The following MAST4 variants were observed in gnomAD, a reference collection of about 807,000 sequenced individuals.
MAST4 encodes microtubule-associated serine/threonine-protein kinase 4.
A neutral mutation model predicts 162.7 loss-of-function variants in MAST4; 89 were observed. That is an observed-to-expected ratio of 0.55 (90% CI 0.46 to 0.65). The LOEUF is 0.65. Among genes scored for constraint, MAST4 ranks in the 30% least tolerant of loss-of-function variants. The pLI is 0.00. For synonymous variants in MAST4, 1,479 were observed against 1,361.1 expected, an observed-to-expected ratio of 1.09 and a Z score of -1.91; for missense variants, 3,153 against 3,374.0, an observed-to-expected ratio of 0.93 and a Z score of 1.62.
chr5:66,900,027 A>G (rs1413630909), intron 4 of MAST4, 45 bp downstream of exon 4: 2 of 1,287,282 alleles, frequency 1.6e-6, no homozygotes, highest in Non-Finnish European at 2.1e-6. Context: ...TTATTAATAT[A>G]TAGTTTATAG....
intron 4 of MAST4, among the ~76,000 whole-genome samples, chr5:66,987,566 T>C (rs947557980): frequency 6.6e-6 from 1 of 152,180 alleles, no homozygotes; most frequent in African/African-American, 2.4e-5. Context: ...AAATCCAGTT[T>C]CCTTTGTAAA....
rs758146466 is a variant in MAST4 at position 67,165,553 on chromosome 5, C to T, written c.6374C>T (p.Pro2125Leu). The T allele has an allele frequency of 6.2e-7, 1 of 1,614,016 alleles. No homozygotes were observed. The highest frequency in any genetic ancestry group is 8.5e-7 in the Non-Finnish European group (1 of 1,179,878). ...AAGGAACCTGAAAGGAAGGAGCAGC[C>T]TCTACAAAGGCATCCCAGCAGCATC... Reference protein sequence around the residue: ...GAKEPERKEQPLQRHPSSIPP... With the variant: ...GAKEPERKEQLLQRHPSSIPP... The change falls in exon 29 of 29, where the codon CCT becomes CTT. Residue 2125 changes from proline to leucine, a missense_variant. Transcript: ENST00000403625.
intron 4 of MAST4, among the ~76,000 whole-genome samples, chr5:67,033,963 T>C (rs1230332492): frequency 6.6e-6 from 1 of 152,190 alleles, no homozygotes; most frequent in African/African-American, 2.4e-5. Context: ...TTTATCTATT[T>C]GGTCTTGAAT....
Position 67,141,042 on chromosome 5 carries a change from A to G in MAST4, c.2495-1073A>G, listed in dbSNP as rs571493273. On this transcript the variant is annotated intron_variant, in intron 19 of 28. Coordinates refer to ENST00000403625, the MANE Select transcript of MAST4 (RefSeq NM_001164664.2). Reference sequence around the variant, plus strand: ...CTATGTCTTGTGCTAGAGGGGTCCAATGAGGACAGAGTCCAATCTTTGATC... The same window carrying G: ...CTATGTCTTGTGCTAGAGGGGTCCAGTGAGGACAGAGTCCAATCTTTGATC... Among the ~76,000 whole-genome samples, 5 of 152,272 alleles carry G rather than the reference A, an allele frequency of 3.3e-5. No homozygotes were observed. The East Asian group carries it at 7.7e-4, about 24-fold the overall frequency.
At chr5:66,963,646 G>A in intron 4 of MAST4, 1 of 776,360 alleles carries the variant, frequency 1.3e-6, no homozygotes. Context: ...CCTTAACTGA[G>A]CTATGCTATT....
chr5:67,059,805 A>G (rs1005927744), intron 5 of MAST4, among the ~76,000 whole-genome samples: 17 of 152,142 alleles, frequency 1.1e-4, no homozygotes, highest in Admixed American at 1.1e-3. Context: ...GTCTATGTGT[A>G]TATATAGATT....
At chr5:66,763,208 T>C (rs1488738925) in intron 2 of MAST4, among the ~76,000 whole-genome samples, 1 of 152,194 alleles carries the variant, frequency 6.6e-6, no homozygotes, top group Non-Finnish European at 1.5e-5. Context: ...GCATAGTCAG[T>C]ACCTAGTAGG....
intron 3 of MAST4, among the ~76,000 whole-genome samples, chr5:66,811,264 A>T (rs1756462174): frequency 6.6e-6 from 1 of 152,238 alleles, no homozygotes; most frequent in African/African-American, 2.4e-5. Flanking sequence ...GCTTATGGCC[A>T]CATGTAGCTT....
intron 12 of MAST4, among the ~76,000 whole-genome samples, chr5:67,117,445 G>A (rs959501081): frequency 2.0e-5 from 3 of 152,084 alleles, no homozygotes; most frequent in Non-Finnish European, 4.4e-5. Flanking sequence ...TAGGCATAAT[G>A]TCTGCCCAGA....
At chr5:66,907,508 A>T (rs13185479) in intron 4 of MAST4, among the ~76,000 whole-genome samples, 4,955 of 151,802 alleles carry the variant, frequency 0.033, 146 homozygotes, top group African/African-American at 0.076. Context: ...GGATTAGGGT[A>T]TTTCTAAAAT....
intron 3 of MAST4, among the ~76,000 whole-genome samples, chr5:66,827,804 C>G (rs1264121503): frequency 6.6e-6 from 1 of 152,204 alleles, no homozygotes; most frequent in Non-Finnish European, 1.5e-5. Flanking sequence ...CAGGATCAAA[C>G]TATTCTCTCA....
chr5:66,778,453 C>A (rs1187821019), intron 2 of MAST4, among the ~76,000 whole-genome samples: 1 of 152,040 alleles, frequency 6.6e-6, no homozygotes, highest in African/African-American at 2.4e-5. Flanking sequence ...TACAGCTTAC[C>A]AAGCTTTATT....
At chr5:66,988,317 G>A (rs1036944095) in intron 4 of MAST4, among the ~76,000 whole-genome samples, 3 of 152,152 alleles carry the variant, frequency 2.0e-5, no homozygotes, top group Non-Finnish European at 4.4e-5. Context: ...GTAGAATTAA[G>A]GATATTGGAC....
intron 1 of MAST4, among the ~76,000 whole-genome samples, chr5:66,680,746 A>G (rs1428715442): frequency 6.6e-6 from 1 of 152,200 alleles, no homozygotes; most frequent in Non-Finnish European, 1.5e-5. Flanking sequence ...CACCCCCCAA[A>G]AAAGGCAAAC....
chr5:66,718,182 T>C (rs1368627330), intron 1 of MAST4, among the ~76,000 whole-genome samples: 1 of 151,040 alleles, frequency 6.6e-6, no homozygotes, highest in South Asian at 2.1e-4. Context: ...TTCTTTTTTT[T>C]TTCTTTTTTT....
intron 7 of MAST4, among the ~76,000 whole-genome samples, chr5:67,098,719 C>G (rs1197801052): frequency 6.6e-6 from 1 of 152,076 alleles, no homozygotes; most frequent in African/African-American, 2.4e-5. Context: ...AATCTTCATT[C>G]TTTGGACCCT....
Position 67,100,570 on chromosome 5 carries a change from C to A in MAST4, c.1048C>A (p.Arg350Ser). 1 of 1,613,846 alleles carries A rather than the reference C, an allele frequency of 6.2e-7. No individual in the cohort carries two copies. Among genetic ancestry groups the A allele is most frequent in the Non-Finnish European group, 8.5e-7 (1 of 1,179,822 alleles). ...GAACAGATGCAGGAACACGCCGATG[C>A]GCCCCCGTTCCCGAAGTCTGAGGTG... ...TENRCRNTPM[R>S]PRSRSLSPGR... Residue 350 changes from arginine (R) to serine (S), a missense_variant, in exon 8 of 29, where the codon CGC becomes AGC. Physicochemically the swap from Arg to Ser is moderately radical, Grantham distance 110. Around this residue, in one of 7 missense-constraint regions of MAST4, gnomAD observed 360 missense variants for 450.0 expected, o/e 0.80. Transcript: ENST00000403625.
chr5:67,003,919 A>G (rs903437939), intron 4 of MAST4: 1 of 152,154 alleles, frequency 6.6e-6, no homozygotes, highest in Admixed American at 6.5e-5. Context: ...GTAAACTCAT[A>G]AATTTAGTTT....
At chr5:67,080,931 A>C (rs1295185) in intron 5 of MAST4, among the ~76,000 whole-genome samples, 133,249 of 133,572 alleles carry the variant, frequency 1, 66,464 homozygotes, top group Non-Finnish European at 1. Context: ...TGTTTTCTTT[A>C]ATTATATATA....
Sources: gnomAD v4.1 joint callset for allele counts (sites outside exome capture counted in the v4.1 genomes callset) on GRCh38, gnomAD v4.1.1 for gene constraint, gnomAD v4.1.1 regional missense constraint, MANE v1.5 for transcripts, NCBI Gene and HGNC (gene_info 2026-07-23, HGNC 2026-07-21) for gene names.